Variants in RHBDD1 observed in about 807,000 individuals in gnomAD.
The protein encoded by RHBDD1 is rhomboid-related protein 4.
A neutral mutation model predicts 36.3 loss-of-function variants in RHBDD1; 38 were observed. The observed-to-expected ratio is 1.05, with a 90% CI of 0.81 to 1.37. The LOEUF is 1.37. Ranked by LOEUF, RHBDD1 falls within the 40% of genes most tolerant of loss-of-function variation. RHBDD1 has a pLI of 0.00. For missense variants in RHBDD1, 393 were observed against 377.6 expected, an observed-to-expected ratio of 1.04 and a Z score of -0.34; for synonymous variants, 151 against 136.5, an observed-to-expected ratio of 1.11 and a Z score of -0.74.
intron 3 of RHBDD1, among the ~76,000 whole-genome samples, chr2:226,852,160 T>C (rs187056461): frequency 6.6e-6 from 1 of 152,326 alleles, no homozygotes; most frequent in East Asian, 1.9e-4. Flanking sequence ...AAGTCCTAAC[T>C]TGACAGTTTC....
upstream of RHBDD1, among the ~76,000 whole-genome samples, chr2:226,833,528 G>A (rs1048328464): frequency 6.6e-6 from 1 of 152,148 alleles, no homozygotes; most frequent in Non-Finnish European, 1.5e-5. Flanking sequence ...TAAGTCGGGT[G>A]GCTTAATCAT....
At chr2:226,936,082 T>C (rs778842600) in intron 8 of RHBDD1, among the ~76,000 whole-genome samples, 1 of 152,150 alleles carries the variant, frequency 6.6e-6, no homozygotes, top group Non-Finnish European at 1.5e-5. Context: ...AGGAAAACTT[T>C]CTATGTAATA....
rs751424959 is a variant in RHBDD1 at position 226,914,287 on chromosome 2, C to T, written c.792C>T (p.Tyr264=). ...YEEAPRNYDT[Y]TAGLSEEEQL... is the part of the protein sequence containing the mutation. Reference sequence around the variant, plus strand: ...AAGCACCCAGGAACTATGACACGTACACAGCAGGACTGAGTGAAGAAGAAC... The same window carrying T: ...AAGCACCCAGGAACTATGACACGTATACAGCAGGACTGAGTGAAGAAGAAC... Residue 264 remains tyrosine, a synonymous_variant, in exon 8 of 9, where the codon TAC becomes TAT. Transcript: ENST00000392062. The T allele has an allele frequency of 8.1e-6, 13 of 1,613,834 alleles. No homozygotes were observed. The South Asian group carries it at 1.4e-4, about 18-fold the overall frequency.
chr2:226,927,310 C>T (rs185450231), intron 8 of RHBDD1, among the ~76,000 whole-genome samples: 1 of 151,370 alleles, frequency 6.6e-6, no homozygotes, highest in Non-Finnish European at 1.5e-5. Context: ...TTGAATTATA[C>T]TCTAGTGTAT....
chr2:226,871,892 G>A (rs1944826298), intron 5 of RHBDD1, among the ~76,000 whole-genome samples: 1 of 152,190 alleles, frequency 6.6e-6, no homozygotes, highest in South Asian at 2.1e-4. Flanking sequence ...TCCATTATAA[G>A]GGCACCTTTA....
At chr2:226,984,649 G>GGGGT (rs1281322599) in intron 8 of RHBDD1, among the ~76,000 whole-genome samples, 5 of 152,194 alleles carry the variant, frequency 3.3e-5, no homozygotes, top group Non-Finnish European at 5.9e-5. Context: ...CTAACGCCCT[G>GGGGT]GGGTCGTAGG....
At chr2:226,824,854 T>C in the RHBDD1 span, among the ~76,000 whole-genome samples, 1 of 152,190 alleles carries the variant, frequency 6.6e-6, no homozygotes, top group Non-Finnish European at 1.5e-5. Context: ...TAATCATTAG[T>C]AAGCAGTGGC....
intron 5 of RHBDD1, among the ~76,000 whole-genome samples, chr2:226,876,802 ACATT>A (rs1252934474): frequency 6.6e-6 from 1 of 152,184 alleles, no homozygotes; most frequent in Admixed American, 6.5e-5. Flanking sequence ...TAATTCATTA[ACATT>A]CATAACATAA....
the RHBDD1 span, among the ~76,000 whole-genome samples, chr2:226,806,558 T>A: frequency 6.6e-6 from 1 of 152,244 alleles, no homozygotes; most frequent in Non-Finnish European, 1.5e-5. Context: ...TGAAATATTT[T>A]ACTGCAGTGA....
At chr2:226,889,927 A>G (rs994624414) in intron 5 of RHBDD1, among the ~76,000 whole-genome samples, 1 of 152,176 alleles carries the variant, frequency 6.6e-6, no homozygotes, top group African/African-American at 2.4e-5. Context: ...CATCTGTAAA[A>G]TGAGACCAAT....
upstream of RHBDD1, among the ~76,000 whole-genome samples, chr2:226,831,622 C>T (rs536559634): frequency 6.6e-6 from 1 of 152,124 alleles, no homozygotes; most frequent in Non-Finnish European, 1.5e-5. Flanking sequence ...GAGCAGAGCC[C>T]TGCCAACACT....
chr2:226,869,306 C>A, intron 5 of RHBDD1: 1 of 397,770 alleles, frequency 2.5e-6, no homozygotes, highest in Non-Finnish European at 3.4e-6. Context: ...GAATGATAAA[C>A]TTCTAATATA....
At chr2:226,947,048 C>A (rs1951036288) in intron 8 of RHBDD1, among the ~76,000 whole-genome samples, 1 of 152,160 alleles carries the variant, frequency 6.6e-6, no homozygotes. Context: ...TCTCAATAAA[C>A]TAGGTATTGT....
chr2:226,809,158 C>A, the RHBDD1 span, among the ~76,000 whole-genome samples: 254 of 152,240 alleles, frequency 1.7e-3, 1 homozygote, highest in African/African-American at 6.0e-3. Flanking sequence ...AGTAGATAGA[C>A]AAAAGAAGAG....
chr2:226,952,359 AC>A (rs68108904), intron 8 of RHBDD1, among the ~76,000 whole-genome samples: 18 of 134,864 alleles, frequency 1.3e-4, no homozygotes, highest in Non-Finnish European at 2.3e-4. Context: ...GTGCAATGGC[AC>A]TATCTCAGCC....
At chr2:226,830,597 T>C (rs945985378), upstream of RHBDD1, among the ~76,000 whole-genome samples, 1 of 152,214 alleles carries the variant, frequency 6.6e-6, no homozygotes, top group African/African-American at 2.4e-5. Context: ...CTCAGACTCT[T>C]GGGCTCACGT....
At chr2:226,897,195 T>C (rs1012853727) in intron 5 of RHBDD1, among the ~76,000 whole-genome samples, 2 of 152,182 alleles carry the variant, frequency 1.3e-5, no homozygotes, top group African/African-American at 4.8e-5. Context: ...CTTCTGAGCA[T>C]GCTAGCTCCA....
chr2:226,872,610 A>G (rs768123467), intron 5 of RHBDD1, among the ~76,000 whole-genome samples: 4 of 152,202 alleles, frequency 2.6e-5, no homozygotes, highest in African/African-American at 7.2e-5. Context: ...GAAGTGATCA[A>G]TATCAAATGT....
intron 7 of RHBDD1, among the ~76,000 whole-genome samples, chr2:226,911,033 T>C (rs1249051202): frequency 1.3e-5 from 2 of 152,226 alleles, no homozygotes; most frequent in Non-Finnish European, 2.9e-5. Context: ...GTTGACTTTA[T>C]TTCATTGAAG....
Sources: gnomAD v4.1 joint callset for allele counts (sites outside exome capture counted in the v4.1 genomes callset) on GRCh38, gnomAD v4.1.1 for gene constraint, MANE v1.5 for transcripts, NCBI Gene and HGNC (gene_info 2026-07-23, HGNC 2026-07-21) for gene names.